MDGA2: variants seen among roughly 807,000 people sequenced by gnomAD.
MDGA2 encodes MAM domain containing glycosylphosphatidylinositol anchor 2.
In MDGA2, 40 loss-of-function variants were observed where a neutral mutation model predicts 117.8. That is an observed-to-expected ratio of 0.34 (90% CI 0.26 to 0.44). The LOEUF is 0.44. Among genes scored for constraint, MDGA2 ranks in the 20% least tolerant of loss-of-function variants. The pLI, the probability that MDGA2 is intolerant of heterozygous loss-of-function variation, is 1.00. For missense variants in MDGA2, 1,123 were observed against 1,250.6 expected (o/e 0.90, Z 1.54); for synonymous variants, 452 against 439.0 (o/e 1.03, Z -0.37).
intron 1 of MDGA2, among the ~76,000 whole-genome samples, chr14:47,494,571 T>G (rs925817930): frequency 5.3e-5 from 8 of 152,156 alleles, no homozygotes; most frequent in African/African-American, 1.9e-4. Context: ...CATTTTCTTT[T>G]GAGGGTTTAG....
At chr14:47,185,105 A>C (rs1330044390) in intron 3 of MDGA2, among the ~76,000 whole-genome samples, 1 of 151,122 alleles carries the variant, frequency 6.6e-6, no homozygotes, top group Non-Finnish European at 1.5e-5. Context: ...TACAAGAGAC[A>C]TACATAAAAT....
intron 9 of MDGA2, among the ~76,000 whole-genome samples, chr14:46,955,184 C>A (rs1539222): frequency 2.0e-5 from 3 of 151,684 alleles, no homozygotes; most frequent in African/African-American, 7.3e-5. Context: ...TAAAATAGAA[C>A]TATTTATGTC....
intron 2 of MDGA2, among the ~76,000 whole-genome samples, chr14:47,232,541 T>C (rs1886726505): frequency 6.6e-6 from 1 of 152,044 alleles, no homozygotes; most frequent in Admixed American, 6.6e-5. Flanking sequence ...ATAAACCTTT[T>C]CTCCCTTCAC....
chr14:47,432,617 C>T (rs1401048812), intron 1 of MDGA2, among the ~76,000 whole-genome samples: 1 of 151,970 alleles, frequency 6.6e-6, no homozygotes, highest in East Asian at 1.9e-4. Flanking sequence ...CTACCTTATA[C>T]TTTCTGTGCC....
intron 1 of MDGA2, among the ~76,000 whole-genome samples, chr14:47,311,519 G>C (rs1437535373): frequency 1.3e-5 from 2 of 152,064 alleles, no homozygotes; most frequent in Non-Finnish European, 2.9e-5. Flanking sequence ...GATCCCAGGA[G>C]ACAGAGATCA....
chr14:47,242,876 G>A (rs1257024746), intron 2 of MDGA2, among the ~76,000 whole-genome samples: 1 of 151,820 alleles, frequency 6.6e-6, no homozygotes, highest in Non-Finnish European at 1.5e-5. Context: ...GCCCCGGTGT[G>A]GGATCCACTA....
At chr14:47,618,064 A>T (rs539101710) in intron 1 of MDGA2, among the ~76,000 whole-genome samples, 1 of 152,296 alleles carries the variant, frequency 6.6e-6, no homozygotes, top group African/African-American at 2.4e-5. Flanking sequence ...ATAGGGGTGA[A>T]AATGGCAAAA....
chr14:47,601,899 A>G (rs1896655152), intron 1 of MDGA2, among the ~76,000 whole-genome samples: 1 of 152,154 alleles, frequency 6.6e-6, no homozygotes, highest in Non-Finnish European at 1.5e-5. Flanking sequence ...TGAATCCATA[A>G]AAGTACAAAA....
intron 5 of MDGA2, among the ~76,000 whole-genome samples, chr14:47,100,700 A>G (rs1275077907): frequency 6.6e-6 from 1 of 152,198 alleles, no homozygotes; most frequent in Non-Finnish European, 1.5e-5. Flanking sequence ...TCATCAAACC[A>G]AAATGAAAAA....
At chr14:47,247,635 A>T (rs8006925) in intron 2 of MDGA2, among the ~76,000 whole-genome samples, 19 of 66,718 alleles carry the variant, frequency 2.8e-4, no homozygotes, top group South Asian at 7.6e-4. Context: ...GTACATATTT[A>T]TTATTATTAT....
At chr14:47,049,524 TTTC>T (rs1159181837) in intron 7 of MDGA2, among the ~76,000 whole-genome samples, 1 of 152,058 alleles carries the variant, frequency 6.6e-6, no homozygotes, top group Non-Finnish European at 1.5e-5. Flanking sequence ...TTAATTGTTT[TTTC>T]TTCTGAATAT....
At chr14:47,592,331 C>T (rs191763147) in intron 1 of MDGA2, among the ~76,000 whole-genome samples, 159 of 152,066 alleles carry the variant, frequency 1.0e-3, no homozygotes, top group Non-Finnish European at 1.5e-4. Flanking sequence ...GCAATTTATA[C>T]ATTCGATGCT....
chr14:47,403,950 A>T (rs1892207551), intron 1 of MDGA2, among the ~76,000 whole-genome samples: 1 of 152,066 alleles, frequency 6.6e-6, no homozygotes. Context: ...TCCCTGATAG[A>T]ACATACCCTT....
intron 9 of MDGA2, among the ~76,000 whole-genome samples, chr14:46,923,056 G>A (rs1884194274): frequency 6.6e-6 from 1 of 152,160 alleles, no homozygotes; most frequent in Non-Finnish European, 1.5e-5. Flanking sequence ...TGAAGTTACT[G>A]AAATAGTTTT....
chr14:47,622,266 C>G (rs989310280), intron 1 of MDGA2, among the ~76,000 whole-genome samples: 3 of 152,236 alleles, frequency 2.0e-5, no homozygotes, highest in Admixed American at 2.0e-4. Flanking sequence ...TGAATGACAT[C>G]ACTATTTTTT....
chr14:47,289,060 A>G (rs868649622), intron 2 of MDGA2, among the ~76,000 whole-genome samples: 4 of 152,200 alleles, frequency 2.6e-5, no homozygotes, highest in Middle Eastern at 6.8e-3. Flanking sequence ...CTATATTTGT[A>G]AGTTATTAAA....
At chr14:47,130,973 A>G (rs999205482) in intron 5 of MDGA2, among the ~76,000 whole-genome samples, 4 of 152,134 alleles carry the variant, frequency 2.6e-5, no homozygotes, top group Non-Finnish European at 4.4e-5. Context: ...CATATGTAAC[A>G]AACCTGCACG....
intron 8 of MDGA2, among the ~76,000 whole-genome samples, chr14:47,034,507 T>C (rs971416595): frequency 1.3e-5 from 2 of 152,048 alleles, no homozygotes; most frequent in African/African-American, 4.8e-5. Flanking sequence ...GGTATGCAAA[T>C]ATAACATTTC....
chr14:47,143,800 A>G (rs1160810028), intron 4 of MDGA2, among the ~76,000 whole-genome samples: 1 of 152,178 alleles, frequency 6.6e-6, no homozygotes, highest in Non-Finnish European at 1.5e-5. Flanking sequence ...AACTATGTAC[A>G]TTATAGTGAA....
Sources: gnomAD v4.1 joint callset for allele counts (sites outside exome capture counted in the v4.1 genomes callset) on GRCh38, gnomAD v4.1.1 for gene constraint, MANE v1.5 for transcripts, NCBI Gene and HGNC (gene_info 2026-07-23, HGNC 2026-07-21) for gene names.